The following KATNA1 variants were observed in gnomAD, a reference collection of about 807,000 sequenced individuals.
The protein encoded by KATNA1 is katanin catalytic subunit A1, also known as katanin p60 ATPase-containing subunit A1.
Under a neutral mutation model 62.6 loss-of-function variants are expected in KATNA1, and 42 were observed. The ratio of observed to expected loss-of-function variants is 0.67; its 90% confidence interval spans 0.52 to 0.87. The LOEUF (loss-of-function observed/expected upper bound fraction) is 0.87, where lower values mean the gene tolerates loss of function less well. Ranked by LOEUF, KATNA1 falls within the 40% of genes least tolerant of loss-of-function variation. The probability of loss-of-function intolerance (pLI) is 0.00; values close to 1 mark genes in which losing one functional copy is unlikely to be tolerated. For synonymous variants in KATNA1, 186 were observed against 201.9 expected (o/e 0.92, Z 0.67); for missense variants, 498 against 612.5 (o/e 0.81, Z 1.97).
At position 149,597,598 on chromosome 6, in the gene KATNA1, A is replaced by G. The variant is rs775722660; in HGVS notation, c.1059T>C (p.Val353=). 1.3e-5 allele frequency: 21 copies of G among 1,613,850 alleles called. No individual in the cohort carries two copies. In the South Asian group the frequency reaches 2.3e-4, roughly 18 times the overall value. ...GAAAATTAGTAGCTGCCAGAACCAT[A>G]ACCATTTTGGAAGGGTCATCATTTT... ...TSENDDPSKM[V]MVLAATNFPW... Residue 353 remains valine (V), a synonymous_variant, in exon 9 of 11, where the codon GTT becomes GTC. Transcript: ENST00000367411.
In KATNA1 at chr6:149,632,810, A is replaced by T; in HGVS notation, c.269T>A (p.Leu90His). ...CCAGACTTCTCCCTCAGAAGCTGGA[A>T]GGTCATGCTGTGCCGCTTTCAAGGG... ...STPLKAAQHD[L>H]PASEGEVWSM... Residue 90 changes from leucine to histidine, a missense_variant, in exon 3 of 11, where the codon CTT becomes CAT. Leu to His is a moderately conservative substitution (Grantham distance 99, BLOSUM62 -3). This residue lies in a region of KATNA1 where 203 missense variants were observed against 198.4 expected (regional missense o/e 1.02). Transcript: ENST00000367411. 1.2e-6 allele frequency: 2 copies of T among 1,613,836 alleles called. No individual in the cohort carries two copies. The highest frequency in any genetic ancestry group is 1.7e-6 in the Non-Finnish European group (2 of 1,179,908).
At chr6:149,599,765 G>C (rs1403767198) in intron 7 of KATNA1, among the ~76,000 whole-genome samples, 1 of 151,980 alleles carries the variant, frequency 6.6e-6, no homozygotes, top group East Asian at 1.9e-4. Context: ...TGATCTGCCC[G>C]CCTCAACCTC....
chr6:149,645,552 T>G (rs571981719), intron 1 of KATNA1, among the ~76,000 whole-genome samples: 18 of 151,850 alleles, frequency 1.2e-4, no homozygotes, highest in East Asian at 9.7e-4. Context: ...AATAGAACAC[T>G]TATAAAGATG....
At chr6:149,618,977 G>A (rs992957113) in intron 4 of KATNA1, among the ~76,000 whole-genome samples, 1 of 152,110 alleles carries the variant, frequency 6.6e-6, no homozygotes. Context: ...CTAAACAAAT[G>A]TGATTATATA....
At chr6:149,610,143 T>C (rs781431273) in intron 4 of KATNA1, among the ~76,000 whole-genome samples, 65 of 124,758 alleles carry the variant, frequency 5.2e-4, no homozygotes, top group Non-Finnish European at 5.1e-4. Context: ...AAAATAAAAA[T>C]TAAAAAATTA....
intron 2 of KATNA1, among the ~76,000 whole-genome samples, chr6:149,635,582 A>G (rs1780036918): frequency 6.6e-6 from 1 of 151,176 alleles, no homozygotes; most frequent in Non-Finnish European, 1.5e-5. Flanking sequence ...GGTGGCACAC[A>G]CCTGTAATTC....
rs754521658 is a variant in KATNA1, at chr6:149,597,467, A to T, written c.1150+40T>A. 3.7e-6 allele frequency: 6 copies of T among 1,603,176 alleles called. No individual in the cohort carries two copies. In the Admixed American group the frequency reaches 7.0e-5, roughly 19 times the overall value. On this transcript the variant is annotated intron_variant, in intron 9 of 10. Coordinates refer to ENST00000367411, the MANE Select transcript of KATNA1 (RefSeq NM_007044.4). ...TAAATTCTCTAAACAAAACTACATG[A>T]AAGTTAACAGGCTTTCTGACAAGAT...
intron 1 of KATNA1, among the ~76,000 whole-genome samples, chr6:149,645,457 A>C (rs1413082497): frequency 2.4e-4 from 12 of 50,008 alleles, no homozygotes; most frequent in Non-Finnish European, 4.5e-4. Flanking sequence ...AACAAAAAAC[A>C]AAAAAAAAAA....
intron 4 of KATNA1, among the ~76,000 whole-genome samples, chr6:149,610,544 C>T (rs562061633): frequency 6.6e-6 from 1 of 152,128 alleles, no homozygotes; most frequent in African/African-American, 2.4e-5. Flanking sequence ...AAATCAGTAA[C>T]AGGAAGAAAA....
At chr6:149,607,522 G>A (rs1778789068) in intron 4 of KATNA1, among the ~76,000 whole-genome samples, 1 of 152,194 alleles carries the variant, frequency 6.6e-6, no homozygotes, top group Non-Finnish European at 1.5e-5. Flanking sequence ...GCTGAGAGGA[G>A]AATCGCTTGA....
At chr6:149,614,646 C>G (rs1465097510) in intron 4 of KATNA1, among the ~76,000 whole-genome samples, 2 of 152,074 alleles carry the variant, frequency 1.3e-5, no homozygotes, top group Non-Finnish European at 2.9e-5. Context: ...TGGAGGTGTA[C>G]ACCTGTAGTC....
intron 8 of KATNA1, 154 bp downstream of exon 8, chr6:149,598,069 AG>A (rs1778395943): frequency 2.7e-6 from 2 of 733,522 alleles, no homozygotes; most frequent in African/African-American, 3.6e-5. Flanking sequence ...TATCACTATC[AG>A]GAACTTCTTG....
At chr6:149,616,723 C>T (rs113544942) in intron 4 of KATNA1, among the ~76,000 whole-genome samples, 1 of 152,044 alleles carries the variant, frequency 6.6e-6, no homozygotes, top group African/African-American at 2.4e-5. Flanking sequence ...CATTGCACTC[C>T]AGCCTGGGAA....
intron 2 of KATNA1, among the ~76,000 whole-genome samples, chr6:149,634,292 AAAT>A (rs377284026): frequency 2.0e-5 from 3 of 149,682 alleles, no homozygotes; most frequent in Non-Finnish European, 4.5e-5. Context: ...AAATAAAATA[AAAT>A]AAAATAAAAT....
chr6:149,623,349 T>C, intron 3 of KATNA1, 66 bp from the exon 4 acceptor site: 1 of 1,193,942 alleles, frequency 8.4e-7, no homozygotes, highest in Non-Finnish European at 1.1e-6. Flanking sequence ...ACATACTGTG[T>C]AAGTTAAGAG....
At chr6:149,633,040 C>A in intron 2 of KATNA1, 124 bp from the exon 3 acceptor site, 1 of 585,082 alleles carries the variant, frequency 1.7e-6, no homozygotes. Context: ...CAGTAAACCA[C>A]ATCAAGATAT....
At chr6:149,599,287 C>CT (rs1778443671) in intron 7 of KATNA1, among the ~76,000 whole-genome samples, 1 of 151,194 alleles carries the variant, frequency 6.6e-6, no homozygotes, top group Non-Finnish European at 1.5e-5. Context: ...CAAGAAAATT[C>CT]TCAACTAAAA....
intron 2 of KATNA1, among the ~76,000 whole-genome samples, chr6:149,635,506 G>C (rs1780033840): frequency 6.6e-6 from 1 of 152,138 alleles, no homozygotes; most frequent in African/African-American, 2.4e-5. Flanking sequence ...AGGAGTTCCA[G>C]ACCAGCCTGG....
intron 7 of KATNA1, 48 bp from the exon 8 acceptor site, chr6:149,598,398 T>C (rs1354648103): frequency 1.3e-6 from 2 of 1,582,786 alleles, no homozygotes; most frequent in Non-Finnish European, 1.7e-6. Flanking sequence ...TATTATTTCA[T>C]TTTAAAATAA....
Sources: gnomAD v4.1 joint callset for allele counts (sites outside exome capture counted in the v4.1 genomes callset) on GRCh38, gnomAD v4.1.1 for gene constraint, gnomAD v4.1.1 regional missense constraint, MANE v1.5 for transcripts, NCBI Gene and HGNC (gene_info 2026-07-23, HGNC 2026-07-21) for gene names.